The following CDH4 variants were observed in gnomAD, a reference collection of about 807,000 sequenced individuals.
CDH4 encodes cadherin 4.
A neutral mutation model predicts 86.0 loss-of-function variants in CDH4; 33 were observed. The ratio of observed to expected loss-of-function variants is 0.38; its 90% CI spans 0.29 to 0.51. The LOEUF (loss-of-function observed/expected upper bound fraction) is 0.51, where lower values mean the gene tolerates loss of function less well. Ranked by LOEUF, CDH4 falls within the 20% of genes least tolerant of loss-of-function variation. The pLI is 0.86. For missense variants in CDH4, 1,114 were observed against 1,307.4 expected, an observed-to-expected ratio of 0.85 and a Z score of 2.28; for synonymous variants, 555 against 549.4, an observed-to-expected ratio of 1.01 and a Z score of -0.14.
intron 2 of CDH4, among the ~76,000 whole-genome samples, chr20:61,398,036 G>A (rs901642078): frequency 2.0e-5 from 3 of 152,208 alleles, no homozygotes; most frequent in African/African-American, 4.8e-5. Flanking sequence ...CTTCACCTGC[G>A]TGTCCTGAAC....
chr20:61,718,754 G>T (rs1009130178), intron 2 of CDH4: 21 of 463,178 alleles, frequency 4.5e-5, no homozygotes, highest in African/African-American at 3.6e-4. Flanking sequence ...TAGGCTAACA[G>T]GCCACCCTAC....
intron 2 of CDH4, among the ~76,000 whole-genome samples, chr20:61,727,178 C>A (rs965010034): frequency 6.6e-6 from 1 of 151,688 alleles, no homozygotes; most frequent in Non-Finnish European, 1.5e-5. Context: ...AACACTGGAG[C>A]CATCATCACC....
intron 4 of CDH4, among the ~76,000 whole-genome samples, chr20:61,803,221 A>C (rs1209961053): frequency 6.6e-6 from 1 of 151,926 alleles, no homozygotes; most frequent in Non-Finnish European, 1.5e-5. Flanking sequence ...ATGCTCTCAG[A>C]GTGGCAGGGA....
chr20:61,498,234 A>G (rs1400970361), intron 2 of CDH4, among the ~76,000 whole-genome samples: 1 of 152,142 alleles, frequency 6.6e-6, no homozygotes, highest in Non-Finnish European at 1.5e-5. Flanking sequence ...ACAGCTTGTG[A>G]AGACCAGATC....
At chr20:61,649,341 C>T (rs1208684152) in intron 2 of CDH4, among the ~76,000 whole-genome samples, 1 of 152,226 alleles carries the variant, frequency 6.6e-6, no homozygotes, top group Non-Finnish European at 1.5e-5. Flanking sequence ...TGCTGGGCTC[C>T]GCTGCCTGGG....
At position 61,282,944 on chromosome 20, in the gene CDH4, TGGC is replaced by T. The variant is rs1488790354; in HGVS notation, c.169+28009_169+28011del. On this transcript the variant is annotated intron_variant, in intron 2 of 15. Coordinates refer to ENST00000614565, the MANE Select transcript of CDH4 (RefSeq NM_001794.5). The stretch of plus-strand genomic sequence containing the variant: ...TACGTGCATTTGCACGCGTGTGCTG[TGGC>T]GTGTGATGTACGTGCGTTTGCACGC... Among the ~76,000 whole-genome samples, 284 of 29,002 alleles carry T rather than the reference TGGC, an allele frequency of 9.8e-3. 3 individuals are homozygous for T. The highest frequency in any genetic ancestry group is 0.019 in the African/African-American group (164 of 8,860). 19.0% of individuals were successfully genotyped at this position (29,002 alleles called of 152,430 possible).
chr20:61,597,143 G>T (rs538326720), intron 2 of CDH4, among the ~76,000 whole-genome samples: 2 of 152,224 alleles, frequency 1.3e-5, no homozygotes, highest in Non-Finnish European at 2.9e-5. Context: ...TTTTCCTGGC[G>T]TGGTGCCCAC....
At chr20:61,335,085 C>T (rs1170853269) in intron 2 of CDH4, among the ~76,000 whole-genome samples, 1 of 152,154 alleles carries the variant, frequency 6.6e-6, no homozygotes. Flanking sequence ...AACGTGGTTT[C>T]GTGTTGTTCA....
At chr20:61,344,202 G>A (rs1029941997) in intron 2 of CDH4, among the ~76,000 whole-genome samples, 4 of 151,946 alleles carry the variant, frequency 2.6e-5, no homozygotes, top group Admixed American at 6.6e-5. Context: ...TGGGGCCTGC[G>A]GGGGTTGATA....
chr20:61,930,184 A>G (rs539319326), intron 13 of CDH4, among the ~76,000 whole-genome samples: 1 of 152,272 alleles, frequency 6.6e-6, no homozygotes, highest in African/African-American at 2.4e-5. Context: ...TGGACTTAGC[A>G]GAGGGAAGGT....
At chr20:61,378,563 C>T (rs1194391101) in intron 2 of CDH4, among the ~76,000 whole-genome samples, 1 of 152,212 alleles carries the variant, frequency 6.6e-6, no homozygotes, top group Admixed American at 6.5e-5. Flanking sequence ...CTGTGTGTCC[C>T]TCACTTTGTG....
In CDH4 at chr20:61,383,553, A is replaced by G. The variant is rs1257660456; in HGVS notation, c.169+128616A>G. The stretch of plus-strand genomic sequence containing the variant: ...TATATATGAATATATATGAATATAT[A>G]TGATATATGATATATGATATATATG... On this transcript the variant is annotated intron_variant, in intron 2 of 15. Transcript: ENST00000614565. Among the ~76,000 whole-genome samples the G allele has an allele frequency of 8.3e-5, 7 of 83,926 alleles. 1 individual carries two copies. Among genetic ancestry groups the G allele is most frequent in the African/African-American group, 2.6e-4 (3 of 11,376 alleles). The allele number at this position is 83,926 out of a possible 152,430, so 55.1% of individuals were successfully genotyped here. A position where few individuals can be genotyped will look rare whatever the true frequency, so the allele number is the denominator to read the frequency against.
chr20:61,450,858 C>T (rs1339168681), intron 2 of CDH4, among the ~76,000 whole-genome samples: 2 of 149,840 alleles, frequency 1.3e-5, no homozygotes, highest in Non-Finnish European at 3.0e-5. Context: ...TTTCTCTGCT[C>T]TAACCCAGTG....
intron 2 of CDH4, among the ~76,000 whole-genome samples, chr20:61,545,761 T>C (rs1219467048): frequency 6.8e-6 from 1 of 147,482 alleles, no homozygotes; most frequent in African/African-American, 2.5e-5. Context: ...TATGTGAGTG[T>C]GTGGGGGTGG....
chr20:61,673,374 T>C (rs1040057708), intron 2 of CDH4, among the ~76,000 whole-genome samples: 9 of 152,310 alleles, frequency 5.9e-5, no homozygotes, highest in Admixed American at 5.9e-4. Flanking sequence ...GGCAATCTTT[T>C]TGTGCCTCCT....
chr20:61,337,031 C>T (rs1237660754), intron 2 of CDH4, among the ~76,000 whole-genome samples: 1 of 152,096 alleles, frequency 6.6e-6, no homozygotes, highest in Non-Finnish European at 1.5e-5. Flanking sequence ...GTGAGGTTCA[C>T]AGCAAGGGCT....
intron 2 of CDH4, among the ~76,000 whole-genome samples, chr20:61,435,065 G>A (rs2085273035): frequency 1.3e-5 from 2 of 152,224 alleles, no homozygotes; most frequent in East Asian, 1.9e-4. Flanking sequence ...CCCGCTTCAC[G>A]TTCACGAGTA....
chr20:61,538,971 G>T (rs1184409672), intron 2 of CDH4, among the ~76,000 whole-genome samples: 3 of 152,230 alleles, frequency 2.0e-5, no homozygotes, highest in African/African-American at 7.2e-5. Context: ...CTTGGGCCTG[G>T]GTTGTGGCCA....
At chr20:61,860,749 C>T (rs1983286188) in intron 6 of CDH4, among the ~76,000 whole-genome samples, 1 of 152,152 alleles carries the variant, frequency 6.6e-6, no homozygotes, top group African/African-American at 2.4e-5. Context: ...GCAGGGTTGG[C>T]TACAAGCCAC....
Sources: gnomAD v4.1 joint callset for allele counts (sites outside exome capture counted in the v4.1 genomes callset) on GRCh38, gnomAD v4.1.1 for gene constraint, MANE v1.5 for transcripts, NCBI Gene and HGNC (gene_info 2026-07-23, HGNC 2026-07-21) for gene names.